PRKG1: variants seen among roughly 807,000 people sequenced by gnomAD.
PRKG1 encodes cGMP-dependent protein kinase 1.
PRKG1 carries 35 observed loss-of-function variants against 88.1 expected under a neutral mutation model. That is an observed-to-expected ratio of 0.40 (90% CI 0.30 to 0.53). The LOEUF (loss-of-function observed/expected upper bound fraction) is 0.53. Ranked by LOEUF, PRKG1 falls within the 20% of genes least tolerant of loss-of-function variation. The pLI is 0.59. For synonymous variants in PRKG1, 303 were observed against 292.5 expected (o/e 1.04, Z -0.37); for missense variants, 540 against 839.8 (o/e 0.64, Z 4.41).
chr10:51,126,660 A>G (rs1845430708), intron 1 of PRKG1, among the ~76,000 whole-genome samples: 1 of 151,910 alleles, frequency 6.6e-6, no homozygotes, highest in Admixed American at 6.6e-5. Flanking sequence ...TATAGCCAAG[A>G]CAATCCTAAG....
At chr10:51,264,362 A>G (rs1332355482) in intron 2 of PRKG1, among the ~76,000 whole-genome samples, 1 of 152,208 alleles carries the variant, frequency 6.6e-6, no homozygotes, top group Non-Finnish European at 1.5e-5. Context: ...CTCTGGCTTC[A>G]TATATTGTGT....
intron 4 of PRKG1, among the ~76,000 whole-genome samples, chr10:51,858,079 A>G (rs1277801810): frequency 1.4e-5 from 1 of 70,728 alleles, no homozygotes; most frequent in African/African-American, 5.3e-5. Flanking sequence ...ATACATATAT[A>G]TAATATATAT....
rs1191742400 is a variant in PRKG1 at position 52,088,816 on chromosome 10, A to G, written c.935+26185A>G. Among the ~76,000 whole-genome samples, 9 of 151,448 alleles carry G rather than the reference A, an allele frequency of 5.9e-5. No individual in the cohort carries two copies. In the East Asian group the frequency reaches 7.7e-4, roughly 13 times the overall value. On this transcript the variant is annotated intron_variant, in intron 7 of 17. Transcript: ENST00000373980. Reference sequence around the variant, plus strand: ...ATTAATATTACAAAAATGATGCCCAATCACCCTTAAATATTCCACTATGTA... The same window carrying G: ...ATTAATATTACAAAAATGATGCCCAGTCACCCTTAAATATTCCACTATGTA...
chr10:51,055,396 G>T (rs1158340640), intron 1 of PRKG1, among the ~76,000 whole-genome samples: 1 of 151,986 alleles, frequency 6.6e-6, no homozygotes, highest in Non-Finnish European at 1.5e-5. Flanking sequence ...TACCATTGTA[G>T]ATTCTTTAGA....
At chr10:51,653,580 T>C (rs1840091538) in intron 3 of PRKG1, among the ~76,000 whole-genome samples, 1 of 152,230 alleles carries the variant, frequency 6.6e-6, no homozygotes, top group African/African-American at 2.4e-5. Context: ...CTTTCTTTTT[T>C]TTCCTTTGTA....
intron 2 of PRKG1, among the ~76,000 whole-genome samples, chr10:51,423,349 C>A (rs568732767): frequency 6.6e-6 from 1 of 152,286 alleles, no homozygotes; most frequent in African/African-American, 2.4e-5. Flanking sequence ...AAAACAACAA[C>A]CTACCATCTT....
At chr10:51,788,125 T>C (rs1312716066) in intron 3 of PRKG1, among the ~76,000 whole-genome samples, 1 of 152,202 alleles carries the variant, frequency 6.6e-6, no homozygotes, top group Non-Finnish European at 1.5e-5. Context: ...ACAGAATCTT[T>C]CTAGAAGTCA....
intron 3 of PRKG1, among the ~76,000 whole-genome samples, chr10:51,482,346 T>C (rs909182715): frequency 2.0e-5 from 3 of 152,146 alleles, no homozygotes; most frequent in African/African-American, 4.8e-5. Flanking sequence ...TTAATGAATG[T>C]CTATACTTTT....
At chr10:51,802,051 T>A (rs1589299013) in intron 3 of PRKG1, among the ~76,000 whole-genome samples, 3 of 152,252 alleles carry the variant, frequency 2.0e-5, no homozygotes, top group Admixed American at 6.5e-5. Context: ...TCACTTAAGA[T>A]CAAAGGTGAA....
intron 2 of PRKG1, among the ~76,000 whole-genome samples, chr10:51,372,690 G>C (rs1842728993): frequency 6.6e-6 from 1 of 151,688 alleles, no homozygotes; most frequent in Non-Finnish European, 1.5e-5. Flanking sequence ...AATGGAAATA[G>C]ATTTTGTCCT....
chr10:52,282,692 C>G (rs1842026555), intron 14 of PRKG1, among the ~76,000 whole-genome samples: 1 of 152,016 alleles, frequency 6.6e-6, no homozygotes, highest in African/African-American at 2.4e-5. Context: ...GACCTGTTAG[C>G]AACTGTTATA....
At position 52,245,874 on chromosome 10, in the gene PRKG1, G is replaced by A. The variant is rs571653408; in HGVS notation, c.1077-5696G>A. Among the ~76,000 whole-genome samples, 40 of 151,426 alleles carry A rather than the reference G, an allele frequency of 2.6e-4. No homozygotes were observed. In the South Asian group the frequency reaches 7.9e-3, roughly 30 times the overall value. Reference sequence around the variant, plus strand: ...GGATGACCTGGGCTAAAACTAATAGGGCTATATTTGCCTTTTGTTCTGTTG... The same window carrying A: ...GGATGACCTGGGCTAAAACTAATAGAGCTATATTTGCCTTTTGTTCTGTTG... On this transcript the variant is annotated intron_variant, in intron 9 of 17. Transcript: ENST00000373980.
At chr10:51,726,411 A>G (rs1208132467) in intron 3 of PRKG1, among the ~76,000 whole-genome samples, 7 of 152,364 alleles carry the variant, frequency 4.6e-5, no homozygotes, top group East Asian at 1.9e-4. Flanking sequence ...AACTTCCTCA[A>G]TAAATGAAGA....
chr10:51,844,581 T>G (rs1482060288), intron 4 of PRKG1, among the ~76,000 whole-genome samples: 2 of 152,178 alleles, frequency 1.3e-5, no homozygotes, highest in African/African-American at 4.8e-5. Flanking sequence ...TGTTTAAACC[T>G]TAAGTTTGTA....
intron 5 of PRKG1, among the ~76,000 whole-genome samples, chr10:51,969,725 G>A (rs1334452438): frequency 6.6e-6 from 1 of 151,920 alleles, no homozygotes; most frequent in African/African-American, 2.4e-5. Flanking sequence ...CAATACAATT[G>A]TATTCCCACT....
chr10:51,464,073 C>T (rs1046286640), intron 2 of PRKG1, among the ~76,000 whole-genome samples: 3 of 151,808 alleles, frequency 2.0e-5, no homozygotes, highest in Non-Finnish European at 2.9e-5. Flanking sequence ...AGATCGAGAC[C>T]GTCTTGGCCA....
chr10:51,527,868 C>T (rs1841921288), intron 3 of PRKG1, among the ~76,000 whole-genome samples: 1 of 152,110 alleles, frequency 6.6e-6, no homozygotes, highest in Non-Finnish European at 1.5e-5. Context: ...TAAGTAAATG[C>T]AGAGATAGCC....
At chr10:52,114,837 TG>T (rs1320895230) in intron 7 of PRKG1, among the ~76,000 whole-genome samples, 1 of 152,108 alleles carries the variant, frequency 6.6e-6, no homozygotes, top group African/African-American at 2.4e-5. Flanking sequence ...GAATACATGG[TG>T]CACCAGCACG....
At chr10:51,713,534 C>T (rs1221296193) in intron 3 of PRKG1, among the ~76,000 whole-genome samples, 1 of 152,014 alleles carries the variant, frequency 6.6e-6, no homozygotes, top group Non-Finnish European at 1.5e-5. Flanking sequence ...GAAGAGGTAG[C>T]TATTAATTTA....
Sources: allele counts gnomAD v4.1 joint callset (sites outside exome capture counted in the v4.1 genomes callset), GRCh38; gene constraint gnomAD v4.1.1; transcripts MANE v1.5; gene names NCBI Gene and HGNC (gene_info 2026-07-23, HGNC 2026-07-21).